Variants in FBXL17 observed in about 807,000 individuals in gnomAD.
FBXL17 encodes F-box/LRR-repeat protein 17.
Under a neutral mutation model 66.2 loss-of-function variants are expected in FBXL17, and 22 were observed. That is an observed-to-expected ratio of 0.33 (90% confidence interval 0.24 to 0.47). The LOEUF (loss-of-function observed/expected upper bound fraction) is 0.47, where lower values mean the gene tolerates loss of function less well. FBXL17 is among the 20% of genes least tolerant of loss of function. The pLI is 1.00. For missense variants in FBXL17, 878 were observed against 948.2 expected (o/e 0.93, Z 0.97); for synonymous variants, 474 against 400.5 (o/e 1.18, Z -2.19).
chr5:108,143,657 T>C (rs1334779612), intron 6 of FBXL17, among the ~76,000 whole-genome samples: 1 of 150,500 alleles, frequency 6.6e-6, no homozygotes, highest in African/African-American at 2.4e-5. Context: ...TAAACCTTCC[T>C]TGAGCCCCTT....
intron 6 of FBXL17, among the ~76,000 whole-genome samples, chr5:108,149,388 C>A (rs1439430907): frequency 6.6e-6 from 1 of 152,120 alleles, no homozygotes; most frequent in African/African-American, 2.4e-5. Context: ...GCTACAAATT[C>A]TTTCCTTCAA....
intron 5 of FBXL17, among the ~76,000 whole-genome samples, chr5:108,209,540 A>T (rs1212136205): frequency 6.6e-6 from 1 of 152,134 alleles, no homozygotes; most frequent in Non-Finnish European, 1.5e-5. Flanking sequence ...ATTTTGTCGA[A>T]GGCCTTTTCT....
chr5:107,967,796 A>C (rs1201630607), intron 7 of FBXL17, among the ~76,000 whole-genome samples: 1 of 152,140 alleles, frequency 6.6e-6, no homozygotes, highest in Non-Finnish European at 1.5e-5. Flanking sequence ...AAAGGGTAAA[A>C]AAAATTTCTG....
In FBXL17 at chr5:108,382,035, G is replaced by T; in HGVS notation, c.-344C>A. On this transcript the variant is annotated 5_prime_UTR_variant, in exon 1 of 9. Coordinates refer to ENST00000542267, the MANE Select transcript of FBXL17 (RefSeq NM_001163315.3). ...TCAGTCAGCGGAGCGGCCGGGGAAAGGCCGGGTCCCGCTCGGACCATTTTA... is the reference window on the plus strand; with the variant it reads ...TCAGTCAGCGGAGCGGCCGGGGAAATGCCGGGTCCCGCTCGGACCATTTTA... The T allele has an allele frequency of 9.9e-7, 1 of 1,010,780 alleles. No individual in the cohort carries two copies. The highest frequency in any genetic ancestry group is 1.2e-6 in the Non-Finnish European group (1 of 820,908). 62.6% of individuals were successfully genotyped at this position (1,010,780 alleles called of 1,614,324 possible). A position where few individuals can be genotyped will look rare whatever the true frequency, so the allele number is the denominator to read the frequency against.
At chr5:108,112,968 CTTAA>C (rs1284108099) in intron 6 of FBXL17, among the ~76,000 whole-genome samples, 5 of 152,112 alleles carry the variant, frequency 3.3e-5, no homozygotes, top group African/African-American at 7.2e-5. Context: ...CATTCATATT[CTTAA>C]TTAATCTTTC....
intron 6 of FBXL17, among the ~76,000 whole-genome samples, chr5:108,061,294 AG>A (rs1260778741): frequency 6.6e-6 from 1 of 150,656 alleles, no homozygotes. Context: ...TACAAAAAAA[AG>A]AAAAAAAAAA....
intron 6 of FBXL17, among the ~76,000 whole-genome samples, chr5:108,130,433 T>C (rs1282832710): frequency 6.6e-6 from 1 of 152,006 alleles, no homozygotes; most frequent in Non-Finnish European, 1.5e-5. Context: ...CTAAATAGAA[T>C]GATTACTACG....
chr5:108,146,280 G>T (rs1751556981), intron 6 of FBXL17, among the ~76,000 whole-genome samples: 1 of 150,674 alleles, frequency 6.6e-6, no homozygotes, highest in African/African-American at 2.4e-5. Context: ...ATCTTAGAAT[G>T]TATATTAATT....
intron 6 of FBXL17, among the ~76,000 whole-genome samples, chr5:108,167,931 G>A (rs922712271): frequency 6.6e-6 from 1 of 152,136 alleles, no homozygotes. Context: ...GAAACGGAAA[G>A]ACTCATTTTA....
rs142148784 is a variant in FBXL17, at chr5:108,289,958, T to A, written c.1506+58441A>T. ...AAGTGTATTTTACTCTGTAAAACAT[T>A]CACAAAAACGCACAAATAAATGCTA... On this transcript the variant is annotated intron_variant, in intron 4 of 8. Coordinates refer to ENST00000542267, the MANE Select transcript of FBXL17 (RefSeq NM_001163315.3). Among the ~76,000 whole-genome samples the A allele has an allele frequency of 2.8e-3, 419 of 152,262 alleles. 4 individuals carry two copies. The highest frequency in any genetic ancestry group is 9.6e-3 in the African/African-American group (397 of 41,568).
chr5:108,299,399 A>T, intron 4 of FBXL17: 2 of 974,766 alleles, frequency 2.1e-6, no homozygotes, highest in Non-Finnish European at 2.4e-6. Flanking sequence ...CAACACAAGC[A>T]AGTTTACATT....
chr5:107,948,812 C>A (rs1218658530), intron 7 of FBXL17, among the ~76,000 whole-genome samples: 2 of 152,180 alleles, frequency 1.3e-5, no homozygotes, highest in African/African-American at 4.8e-5. Flanking sequence ...AGAAGCAGAT[C>A]TTGCCTATAA....
At chr5:108,266,981 T>C (rs924092569) in intron 4 of FBXL17, among the ~76,000 whole-genome samples, 2 of 152,260 alleles carry the variant, frequency 1.3e-5, no homozygotes, top group Non-Finnish European at 2.9e-5. Flanking sequence ...TTTAGATTTA[T>C]TCTATGGCAT....
At chr5:108,374,851 T>G (rs1472967216) in intron 1 of FBXL17, among the ~76,000 whole-genome samples, 1 of 151,892 alleles carries the variant, frequency 6.6e-6, no homozygotes. Flanking sequence ...CAAACACATA[T>G]AGCAAAATCT....
At chr5:107,985,856 G>A (rs1033580082) in intron 7 of FBXL17, among the ~76,000 whole-genome samples, 9 of 152,262 alleles carry the variant, frequency 5.9e-5, no homozygotes, top group Admixed American at 4.6e-4. Context: ...CAGTGTGTGG[G>A]TAGAAAGTAG....
chr5:108,303,883 G>GA (rs954380638), intron 4 of FBXL17, among the ~76,000 whole-genome samples: 5 of 151,536 alleles, frequency 3.3e-5, no homozygotes, highest in African/African-American at 9.7e-5. Context: ...AATTTCAAGT[G>GA]AAAAAAAATT....
intron 4 of FBXL17, among the ~76,000 whole-genome samples, chr5:108,242,822 TA>T (rs1243119350): frequency 4.6e-5 from 7 of 152,204 alleles, no homozygotes; most frequent in Middle Eastern, 3.4e-3. Context: ...TTATTATATC[TA>T]AAAAAATTCA....
chr5:107,868,246 G>T (rs1441030407), intron 8 of FBXL17, among the ~76,000 whole-genome samples: 3 of 152,228 alleles, frequency 2.0e-5, no homozygotes, highest in African/African-American at 4.8e-5. Context: ...GAAAGTGTCA[G>T]ACTGGGGCCT....
intron 5 of FBXL17, among the ~76,000 whole-genome samples, chr5:108,202,191 T>C (rs962618284): frequency 4.6e-5 from 7 of 152,192 alleles, no homozygotes; most frequent in African/African-American, 1.7e-4. Context: ...AAGAAACTTA[T>C]CGACTCACTT....
Sources: allele counts gnomAD v4.1 joint callset (sites outside exome capture counted in the v4.1 genomes callset), GRCh38; gene constraint gnomAD v4.1.1; transcripts MANE v1.5; gene names NCBI Gene and HGNC (gene_info 2026-07-23, HGNC 2026-07-21).